Variants in COP1 observed in about 807,000 individuals in gnomAD.
COP1 encodes COP1 E3 ubiquitin ligase.
COP1 carries 24 observed loss-of-function variants against 101.3 expected under a neutral mutation model. The ratio of observed to expected loss-of-function variants is 0.24; its 90% CI spans 0.17 to 0.33. The LOEUF (loss-of-function observed/expected upper bound fraction) is 0.33, where lower values mean the gene tolerates loss of function less well. Among genes scored for constraint, COP1 ranks in the 10% least tolerant of loss-of-function variants. COP1 has a pLI of 1.00. For missense variants in COP1, 663 were observed against 906.2 expected (o/e 0.73, Z 3.45); for synonymous variants, 347 against 341.9 (o/e 1.01, Z -0.17).
chr1:176,161,810 A>C (rs1453778042), intron 5 of COP1, among the ~76,000 whole-genome samples: 1 of 152,128 alleles, frequency 6.6e-6, no homozygotes, highest in African/African-American at 2.4e-5. Context: ...AAACAGATAT[A>C]ACATGGGAGA....
intron 9 of COP1, among the ~76,000 whole-genome samples, chr1:176,089,734 C>T (rs1347804498): frequency 6.6e-6 from 1 of 152,194 alleles, no homozygotes; most frequent in East Asian, 1.9e-4. Flanking sequence ...TCATGCCCTA[C>T]AAACGATAAA....
intron 15 of COP1, among the ~76,000 whole-genome samples, chr1:175,991,309 G>A (rs1277826719): frequency 6.6e-6 from 1 of 152,142 alleles, no homozygotes; most frequent in East Asian, 1.9e-4. Flanking sequence ...ACTGAATGCT[G>A]TAGGAAACTG....
chr1:176,162,833 C>T, intron 5 of COP1, 36 bp downstream of exon 5: 12 of 1,547,406 alleles, frequency 7.8e-6, no homozygotes, highest in African/African-American at 1.4e-5. Flanking sequence ...TAAAGTTCAT[C>T]ATTTAAAATT....
intron 18 of COP1, among the ~76,000 whole-genome samples, chr1:175,981,561 A>G (rs1655876680): frequency 6.6e-6 from 1 of 152,178 alleles, no homozygotes; most frequent in Admixed American, 6.6e-5. Context: ...TGAAAACTGT[A>G]AAACTACTAG....
At chr1:175,982,356 G>A (rs989613305) in intron 18 of COP1, 3 of 456,406 alleles carry the variant, frequency 6.6e-6, no homozygotes, top group Non-Finnish European at 1.3e-5. Context: ...GGTTTGAACT[G>A]TGAGGAACCA....
At chr1:176,038,993 AT>A (rs1670058188) in intron 14 of COP1, among the ~76,000 whole-genome samples, 2 of 152,166 alleles carry the variant, frequency 1.3e-5, no homozygotes, top group African/African-American at 4.8e-5. Context: ...ACATCTACAG[AT>A]TATTTCTTTC....
At chr1:176,128,771 C>T (rs1197629266) in intron 8 of COP1, among the ~76,000 whole-genome samples, 1 of 151,764 alleles carries the variant, frequency 6.6e-6, no homozygotes, top group Non-Finnish European at 1.5e-5. Flanking sequence ...CATTTCATTT[C>T]CTGCATTAAA....
chr1:176,096,536 A>G lies in COP1; in HGVS notation c.1027-10646T>C, dbSNP rs549122820. Reference sequence around the variant, plus strand: ...CTGGGCCCTGCATGGTTGACTGGCCAGACTACCATTGGTCTGAGCCAGGGG... The same window carrying G: ...CTGGGCCCTGCATGGTTGACTGGCCGGACTACCATTGGTCTGAGCCAGGGG... On this transcript the variant is annotated intron_variant, in intron 9 of 19. Coordinates refer to ENST00000367669, the MANE Select transcript of COP1 (RefSeq NM_022457.7). Among the ~76,000 whole-genome samples the G allele has an allele frequency of 1.1e-3, 167 of 152,378 alleles. 1 individual carries two copies. The highest frequency in any genetic ancestry group is 6.8e-4 in the Non-Finnish European group (46 of 68,036).
chr1:175,966,907 T>A (rs1191246456), intron 18 of COP1, among the ~76,000 whole-genome samples: 1 of 152,118 alleles, frequency 6.6e-6, no homozygotes, highest in Non-Finnish European at 1.5e-5. Flanking sequence ...AAATTCCCAC[T>A]CTCCTTCCAA....
At chr1:176,044,572 C>T (rs1557991518) in intron 12 of COP1, among the ~76,000 whole-genome samples, 3 of 152,152 alleles carry the variant, frequency 2.0e-5, no homozygotes, top group Non-Finnish European at 4.4e-5. Context: ...AGTTTATTTG[C>T]ATTTTTAAAT....
At chr1:176,071,359 G>A (rs1470307293) in intron 11 of COP1, among the ~76,000 whole-genome samples, 1 of 152,052 alleles carries the variant, frequency 6.6e-6, no homozygotes, top group Non-Finnish European at 1.5e-5. Flanking sequence ...CTGCAGAACC[G>A]TAAACCAATT....
intron 18 of COP1, among the ~76,000 whole-genome samples, chr1:175,967,856 A>C (rs2148578336): frequency 6.6e-6 from 1 of 152,184 alleles, no homozygotes. Flanking sequence ...GCCCCTTAGA[A>C]GAATAATATT....
chr1:175,948,399 G>A (rs933873434), intron 18 of COP1, among the ~76,000 whole-genome samples: 6 of 152,164 alleles, frequency 3.9e-5, no homozygotes, highest in Non-Finnish European at 8.8e-5. Flanking sequence ...AGAGAAAAAC[G>A]AAGTCCAAAT....
intron 5 of COP1, among the ~76,000 whole-genome samples, chr1:176,151,076 C>T (rs1394459574): frequency 1.3e-5 from 2 of 151,956 alleles, no homozygotes; most frequent in Non-Finnish European, 2.9e-5. Context: ...AAATTTTTAA[C>T]ATGAAAGTAA....
At chr1:176,123,417 C>A (rs1205820227) in intron 8 of COP1, among the ~76,000 whole-genome samples, 3 of 152,044 alleles carry the variant, frequency 2.0e-5, no homozygotes, top group Non-Finnish European at 4.4e-5. Context: ...CTAGGTACCC[C>A]CATTTCTGAC....
chr1:176,118,592 G>A (rs756432261), intron 8 of COP1, among the ~76,000 whole-genome samples: 3 of 152,138 alleles, frequency 2.0e-5, no homozygotes, highest in East Asian at 1.9e-4. Flanking sequence ...GTAAGACTCC[G>A]TTTTCTACAT....
intron 1 of COP1, among the ~76,000 whole-genome samples, chr1:176,189,395 G>C (rs963922019): frequency 6.6e-6 from 1 of 150,934 alleles, no homozygotes; most frequent in African/African-American, 2.4e-5. Context: ...TTTTTCCGTT[G>C]GGAATTCTTT....
At chr1:175,973,486 C>T (rs940436051) in intron 18 of COP1, among the ~76,000 whole-genome samples, 13 of 152,124 alleles carry the variant, frequency 8.5e-5, no homozygotes, top group Non-Finnish European at 1.9e-4. Context: ...TGCAGAGCTA[C>T]AAGTTGCTAA....
At chr1:176,126,603 C>T (rs1005930882) in intron 8 of COP1, among the ~76,000 whole-genome samples, 4 of 152,158 alleles carry the variant, frequency 2.6e-5, no homozygotes, top group Admixed American at 2.0e-4. Context: ...AATGCAGGTA[C>T]GCGCCACCAT....
Sources: allele counts gnomAD v4.1 joint callset (sites outside exome capture counted in the v4.1 genomes callset), GRCh38; gene constraint gnomAD v4.1.1; transcripts MANE v1.5; gene names NCBI Gene and HGNC (gene_info 2026-07-23, HGNC 2026-07-21).